WWOX: variants seen among roughly 807,000 people sequenced by gnomAD.
The protein encoded by WWOX is WW domain containing oxidoreductase.
In WWOX, 69 loss-of-function variants were observed where a neutral mutation model predicts 46.2. The ratio of observed to expected loss-of-function variants is 1.49; its 90% CI spans 1.23 to 1.82. The LOEUF is 1.82. Ranked by LOEUF, WWOX falls within the 40% of genes most tolerant of loss-of-function variation. WWOX has a pLI of 0.00. For missense variants in WWOX, 919 were observed against 542.6 expected, an observed-to-expected ratio of 1.69 and a Z score of -6.89; for synonymous variants, 359 against 202.6, an observed-to-expected ratio of 1.77 and a Z score of -6.56.
chr16:79,159,792 G>C (rs888621800), intron 8 of WWOX, among the ~76,000 whole-genome samples: 5 of 152,172 alleles, frequency 3.3e-5, no homozygotes, highest in Non-Finnish European at 7.3e-5. Context: ...TTCTCCTCAT[G>C]CTAGGTGACT....
At chr16:78,675,554 A>T (rs1174005004) in intron 8 of WWOX, among the ~76,000 whole-genome samples, 1 of 152,220 alleles carries the variant, frequency 6.6e-6, no homozygotes, top group African/African-American at 2.4e-5. Flanking sequence ...GAGAGCAAGC[A>T]CGGGGGTTTA....
At chr16:78,676,911 G>C (rs1180050603) in intron 8 of WWOX, among the ~76,000 whole-genome samples, 2 of 152,218 alleles carry the variant, frequency 1.3e-5, no homozygotes, top group East Asian at 3.9e-4. Context: ...AGTTAATTTA[G>C]AAGTATCAAG....
At chr16:78,913,293 C>G (rs964057427) in intron 8 of WWOX, among the ~76,000 whole-genome samples, 5 of 151,922 alleles carry the variant, frequency 3.3e-5, no homozygotes, top group East Asian at 1.9e-4. Context: ...CGTTTTTTGC[C>G]TCTTCCTGGT....
intron 8 of WWOX, among the ~76,000 whole-genome samples, chr16:78,487,965 C>G (rs1381711722): frequency 6.6e-6 from 1 of 152,156 alleles, no homozygotes. Context: ...ATTATCCCAC[C>G]TTCCCCAAGC....
chr16:78,454,497 G>C lies in WWOX; in HGVS notation c.1056+21745G>C, dbSNP rs542740488. ...AGGTTGTGTTTTTGTGTTTTTGTTT[G>C]TTTGTTTGTTTCTTTGTTTGTTTTT... On this transcript the variant is annotated intron_variant, in intron 8 of 8. Transcript: ENST00000566780. Among the ~76,000 whole-genome samples the C allele has an allele frequency of 3.8e-4, 57 of 151,860 alleles. No homozygotes were observed. In the South Asian group the frequency reaches 0.012, roughly 32 times the overall value.
At chr16:78,647,814 T>G (rs1332411602) in intron 8 of WWOX, among the ~76,000 whole-genome samples, 1 of 152,176 alleles carries the variant, frequency 6.6e-6, no homozygotes, top group Non-Finnish European at 1.5e-5. Flanking sequence ...GTTAGCTAAG[T>G]CTGGTTATGT....
chr16:78,122,305 G>A lies in WWOX; in HGVS notation c.409+7151G>A, dbSNP rs530010054. ...CTCAACTGAAACTTTTTTGTCACAT[G>A]AGGCCATCAGTTGAATTTCATGCCT... On this transcript the variant is annotated intron_variant, in intron 4 of 8. Transcript: ENST00000566780. Among the ~76,000 whole-genome samples, 328 of 152,252 alleles carry A rather than the reference G, an allele frequency of 2.2e-3. 5 individuals carry two copies. Among genetic ancestry groups the A allele is most frequent in the African/African-American group, 7.6e-3 (315 of 41,542 alleles).
intron 8 of WWOX, among the ~76,000 whole-genome samples, chr16:79,125,840 C>T (rs2049741737): frequency 1.3e-5 from 2 of 152,134 alleles, no homozygotes; most frequent in Non-Finnish European, 2.9e-5. Flanking sequence ...GCATTTTTGC[C>T]ATAGCTTTTT....
chr16:78,160,287 C>CA (rs1474872597), intron 4 of WWOX, among the ~76,000 whole-genome samples: 1 of 151,970 alleles, frequency 6.6e-6, no homozygotes, highest in African/African-American at 2.4e-5. Context: ...TGTGCACCAC[C>CA]ACGCCCAACT....
chr16:78,147,050 C>T (rs1259890343), intron 4 of WWOX, among the ~76,000 whole-genome samples: 1 of 151,920 alleles, frequency 6.6e-6, no homozygotes, highest in African/African-American at 2.4e-5. Flanking sequence ...ACAATAGTAA[C>T]AAACACACAC....
chr16:78,160,412 A>G (rs1253723040), intron 4 of WWOX, among the ~76,000 whole-genome samples: 1 of 152,194 alleles, frequency 6.6e-6, no homozygotes, highest in Non-Finnish European at 1.5e-5. Context: ...GCCATGAGCC[A>G]CTGTGCCTGG....
chr16:78,326,451 G>C (rs146434933), intron 5 of WWOX, among the ~76,000 whole-genome samples: 1 of 151,812 alleles, frequency 6.6e-6, no homozygotes, highest in East Asian at 1.9e-4. Flanking sequence ...CGTTGTTATC[G>C]CGCAAAGGAA....
At chr16:79,017,867 T>A (rs1452285720) in intron 8 of WWOX, among the ~76,000 whole-genome samples, 1 of 152,230 alleles carries the variant, frequency 6.6e-6, no homozygotes, top group Non-Finnish European at 1.5e-5. Context: ...ATTTGTCCTG[T>A]GGACTGTAGT....
chr16:78,746,252 C>A (rs765407017), intron 8 of WWOX, among the ~76,000 whole-genome samples: 4 of 152,204 alleles, frequency 2.6e-5, no homozygotes, highest in Non-Finnish European at 4.4e-5. Flanking sequence ...AATTCTAGTG[C>A]ATTGGGAGGC....
intron 8 of WWOX, among the ~76,000 whole-genome samples, chr16:78,555,114 C>T (rs559025651): frequency 5.4e-5 from 8 of 146,928 alleles, no homozygotes; most frequent in African/African-American, 1.8e-4. Flanking sequence ...TTGTCTCTAT[C>T]TCTCTTTCTC....
chr16:78,145,736 T>A (rs547068291), intron 4 of WWOX, among the ~76,000 whole-genome samples: 1 of 152,236 alleles, frequency 6.6e-6, no homozygotes, highest in African/African-American at 2.4e-5. Context: ...TCACATAGTC[T>A]CCTCACCGTG....
intron 8 of WWOX, among the ~76,000 whole-genome samples, chr16:78,696,189 G>A (rs1480653796): frequency 6.6e-6 from 1 of 152,160 alleles, no homozygotes; most frequent in Non-Finnish European, 1.5e-5. Context: ...CTCCGGGCAA[G>A]TCTTTTTAAC....
chr16:78,800,200 C>T lies in WWOX; in HGVS notation c.1056+367448C>T, dbSNP rs552965688. On this transcript the variant is annotated intron_variant, in intron 8 of 8. Coordinates refer to ENST00000566780, the MANE Select transcript of WWOX (RefSeq NM_016373.4). ...AAACTGAGAAGGAGAAAAAATATGG[C>T]GGTAGATGCGATTTTAATGATTGTG... is the stretch of plus-strand genomic sequence containing the variant. Among the ~76,000 whole-genome samples the T allele has an allele frequency of 4.0e-5, 6 of 151,568 alleles. No individual in the cohort carries two copies. The South Asian group carries it at 8.4e-4, about 21-fold the overall frequency.
chr16:79,094,538 C>T (rs944204167), intron 8 of WWOX, among the ~76,000 whole-genome samples: 5 of 152,172 alleles, frequency 3.3e-5, no homozygotes, highest in Non-Finnish European at 7.3e-5. Context: ...GGGTGTGAGC[C>T]ACCGCACCAG....
Sources: gnomAD v4.1 joint callset for allele counts (sites outside exome capture counted in the v4.1 genomes callset) on GRCh38, gnomAD v4.1.1 for gene constraint, MANE v1.5 for transcripts, NCBI Gene and HGNC (gene_info 2026-07-23, HGNC 2026-07-21) for gene names.